RAG1: variants seen among roughly 807,000 people sequenced by gnomAD.
The protein encoded by RAG1 is recombination activating 1.
Under a neutral mutation model 62.7 loss-of-function variants are expected in RAG1, and 35 were observed. The ratio of observed to expected loss-of-function variants is 0.56; its 90% CI spans 0.43 to 0.74. The LOEUF is 0.74. RAG1 is among the 30% of genes least tolerant of loss of function. RAG1 has a pLI of 0.00. For synonymous variants in RAG1, 461 were observed against 470.3 expected (o/e 0.98, Z 0.26); for missense variants, 1,169 against 1,278.6 (o/e 0.91, Z 1.31).
intron 2 of RAG1, among the ~76,000 whole-genome samples, chr11:36,521,197 G>A (rs758327041): frequency 9.9e-5 from 15 of 151,950 alleles, no homozygotes; most frequent in Non-Finnish European, 1.5e-4. Context: ...GACCTCACAC[G>A]ATCCGTCCTC....
At chr11:36,548,469 A>T (rs1292735001) in intron 3 of RAG1, among the ~76,000 whole-genome samples, 3 of 152,202 alleles carry the variant, frequency 2.0e-5, no homozygotes, top group Non-Finnish European at 4.4e-5. Context: ...GCATTCCTAT[A>T]CAGCAATAAT....
chr11:36,524,926 G>T (rs538739883), intron 2 of RAG1, among the ~76,000 whole-genome samples: 212 of 152,266 alleles, frequency 1.4e-3, no homozygotes, highest in Non-Finnish European at 2.3e-3. Flanking sequence ...TAATTGGATT[G>T]TTAGTCTTTT....
chr11:36,534,505 A>T (rs7947632), intron 2 of RAG1, among the ~76,000 whole-genome samples: 7,598 of 152,256 alleles, frequency 0.05, 615 homozygotes, highest in African/African-American at 0.17. Flanking sequence ...CACATGTGTC[A>T]CTTTAGGATG....
At chr11:36,558,966 T>A (rs1850542390) in intron 3 of RAG1, among the ~76,000 whole-genome samples, 1 of 152,196 alleles carries the variant, frequency 6.6e-6, no homozygotes, top group African/African-American at 2.4e-5. Context: ...GTTCTCCTGA[T>A]GGTAGTTATT....
intron 3 of RAG1, among the ~76,000 whole-genome samples, chr11:36,549,805 C>T (rs1227158105): frequency 6.6e-6 from 1 of 152,170 alleles, no homozygotes; most frequent in Non-Finnish European, 1.5e-5. Context: ...ACTGTAAAGA[C>T]ACATGCACAT....
At position 36,573,639 on chromosome 11, in the gene RAG1, G is replaced by GC. The variant is rs4151026; in HGVS notation, c.336dup (p.Ile113HisfsTer7). The GC allele has an allele frequency of 1.2e-6, 2 of 1,614,136 alleles. No individual in the cohort carries two copies. Among genetic ancestry groups the GC allele is most frequent in the Admixed American group, 1.7e-5 (1 of 60,020 alleles). On this transcript the variant is annotated frameshift_variant, in exon 2 of 2. Transcript: ENST00000299440. LOFTEE classifies it high-confidence loss of function. The stretch of plus-strand genomic sequence containing the variant: ...CAAGCCAACCTTCGACATCTCTGCC[G>GC]CATCTGTGGGAATTCTTTTAGAGCT...
chr11:36,546,805 G>A (rs1346516269), intron 3 of RAG1, among the ~76,000 whole-genome samples: 18 of 152,094 alleles, frequency 1.2e-4, no homozygotes, highest in Admixed American at 9.8e-4. Context: ...TTGCTTGACT[G>A]TAAAGGATTT....
rs531500168 is a variant in RAG1, at chr11:36,541,603, C to T, written c.-412+5569C>T. ...CCTTGAATTGGCTTAGGTCAGCAAA[C>T]GACATAAGAAACAGGAAATACTAGG... On this transcript the variant is annotated intron_variant and NMD_transcript_variant, in intron 3 of 9. Transcript: ENST00000534663. Among the ~76,000 whole-genome samples, 3 of 152,178 alleles carry T rather than the reference C, an allele frequency of 2.0e-5. No homozygotes were observed. The South Asian group carries it at 6.2e-4, about 32-fold the overall frequency.
Position 36,576,005 on chromosome 11 carries a change from C to T in RAG1, c.2701C>T (p.Pro901Ser). The T allele has an allele frequency of 1.2e-6, 2 of 1,614,142 alleles. No individual in the cohort carries two copies. The highest frequency in any genetic ancestry group is 2.2e-5 in the South Asian group (2 of 91,078). The change falls in exon 2 of 2, where the codon CCT becomes TCT. Residue 901 changes from proline to serine, a missense_variant. Physicochemically the swap from Pro to Ser is moderately conservative, Grantham distance 74. Coordinates refer to ENST00000299440, the MANE Select transcript of RAG1 (RefSeq NM_000448.3). ...KMKPVWRSSCPAKECPESLCQ... is the reference protein window; with the variant it reads ...KMKPVWRSSCSAKECPESLCQ... ...GAAACCAGTATGGCGATCATCATGCCCTGCTAAAGAGTGCCCAGAATCCCT... is the reference window on the plus strand; with the variant it reads ...GAAACCAGTATGGCGATCATCATGCTCTGCTAAAGAGTGCCCAGAATCCCT...
chr11:36,558,382 C>A (rs6416085), intron 3 of RAG1, among the ~76,000 whole-genome samples: 139,654 of 152,236 alleles, frequency 0.92, 64,204 homozygotes, highest in African/African-American at 0.98. Context: ...GGTGTTTCCA[C>A]CTATTACTGT....
At chr11:36,565,912 C>T (rs1360705919), upstream of RAG1, 1 of 152,170 alleles carries the variant, frequency 6.6e-6, no homozygotes, top group African/African-American at 2.4e-5. Flanking sequence ...TTTTATCAAA[C>T]AGAGCAATTA....
At chr11:36,546,508 C>T (rs1385465337) in intron 3 of RAG1, among the ~76,000 whole-genome samples, 2 of 152,194 alleles carry the variant, frequency 1.3e-5, no homozygotes, top group South Asian at 4.1e-4. Context: ...TATGCCACAT[C>T]GATGGGTGTT....
intron 2 of RAG1, among the ~76,000 whole-genome samples, chr11:36,527,982 T>C (rs141049033): frequency 0.011 from 1,705 of 152,054 alleles, 37 homozygotes; most frequent in African/African-American, 0.039. Context: ...ACTGAGACAA[T>C]GGGGTTTTCT....
In RAG1 at chr11:36,533,623, CATG is replaced by C. The variant is rs1860286200; in HGVS notation, n.429-2333_429-2331del. ...ATTATTTTTTAGTTCTGTTTCATGT[CATG>C]ATCTCAGCTAAAATGTTTAGACAAT... On this transcript the variant is annotated intron_variant and non_coding_transcript_variant, in intron 2 of 2. Transcript: ENST00000529126. Among the ~76,000 whole-genome samples the C allele has an allele frequency of 2.0e-5, 3 of 152,142 alleles. No individual in the cohort carries two copies. The South Asian group carries it at 6.2e-4, about 31-fold the overall frequency.
intron 1 of RAG1, among the ~76,000 whole-genome samples, chr11:36,516,349 T>C (rs1041147697): frequency 6.6e-6 from 1 of 152,242 alleles, no homozygotes; most frequent in African/African-American, 2.4e-5. Flanking sequence ...TGAGACGGAG[T>C]CTCGCTCTGT....
chr11:36,568,242 A>G (rs1474827754), intron 1 of RAG1, 120 bp downstream of exon 1: 2 of 152,152 alleles, frequency 1.3e-5, no homozygotes, highest in Non-Finnish European at 2.9e-5. Context: ...GAGCAAAGCT[A>G]CATCAATTTT....
intron 2 of RAG1, among the ~76,000 whole-genome samples, chr11:36,522,512 G>A (rs1408520439): frequency 6.6e-6 from 1 of 152,270 alleles, no homozygotes; most frequent in Middle Eastern, 3.2e-3. Context: ...GTTTGCTGCA[G>A]GGGTGGGGCC....
chr11:36,575,060 C>T lies in RAG1; in HGVS notation c.1756C>T (p.Leu586Phe), dbSNP rs745372134. The change falls in exon 2 of 2, where the codon CTT becomes TTT. Residue 586 changes from leucine to phenylalanine, a missense_variant. Leu to Phe is a conservative substitution (Grantham distance 22, BLOSUM62 0). This residue lies in a region of RAG1 where 800 missense variants were observed against 943.3 expected (regional missense o/e 0.85). Coordinates refer to ENST00000299440, the MANE Select transcript of RAG1 (RefSeq NM_000448.3). The surrounding 1 kb of genome is among the most constrained non-coding windows in gnomAD (Gnocchi z 4.1). ...DILEGMRSQD[L>F]DDYLNGPFTV... is the part of the protein sequence containing the mutation. ...CTTGGAAGGCATGAGATCCCAAGAC[C>T]TTGATGATTACCTGAATGGCCCCTT... 3.1e-6 allele frequency: 5 copies of T among 1,614,106 alleles called. No individual in the cohort carries two copies. The highest frequency in any genetic ancestry group is 4.2e-6 in the Non-Finnish European group (5 of 1,180,016).
chr11:36,573,654 C>A lies in RAG1; in HGVS notation c.350C>A (p.Ser117Tyr), dbSNP rs1279281327. Residue 117 changes from serine (S) to tyrosine (Y), a missense_variant, in exon 2 of 2, where the codon TCT becomes TAT. This residue lies in a region of RAG1 where 369 missense variants were observed against 335.3 expected (regional missense o/e 1.10). Coordinates refer to ENST00000299440, the MANE Select transcript of RAG1 (RefSeq NM_000448.3). ...LRHLCRICGNSFRADEHNRRY... is the reference protein window; with the variant it reads ...LRHLCRICGNYFRADEHNRRY... ...CATCTCTGCCGCATCTGTGGGAATTCTTTTAGAGCTGATGAGCACAACAGG... is the reference window on the plus strand; with the variant it reads ...CATCTCTGCCGCATCTGTGGGAATTATTTTAGAGCTGATGAGCACAACAGG... 1.2e-6 allele frequency: 2 copies of A among 1,614,100 alleles called. No individual in the cohort carries two copies. The highest frequency in any genetic ancestry group is 2.2e-5 in the South Asian group (2 of 91,078).
Sources: allele counts gnomAD v4.1 joint callset (sites outside exome capture counted in the v4.1 genomes callset), GRCh38; gene constraint gnomAD v4.1.1; regional missense constraint gnomAD v4.1.1; non-coding constraint Gnocchi (gnomAD v3.1); transcripts MANE v1.5; gene names NCBI Gene and HGNC (gene_info 2026-07-23, HGNC 2026-07-21).